The following LRRIQ3 variants were observed in gnomAD, a reference collection of about 807,000 sequenced individuals.
The protein encoded by LRRIQ3 is leucine rich repeats and IQ motif containing 3.
In LRRIQ3, 75 loss-of-function variants were observed where a neutral mutation model predicts 59.3. That is an observed-to-expected ratio of 1.26 (90% CI 1.05 to 1.53). The LOEUF (loss-of-function observed/expected upper bound fraction) is 1.53, where lower values mean the gene tolerates loss of function less well. Among genes scored for constraint, LRRIQ3 ranks in the 40% most tolerant of loss-of-function variants. LRRIQ3 has a pLI of 0.00. For missense variants in LRRIQ3, 831 were observed against 710.0 expected (o/e 1.17, Z -1.94); for synonymous variants, 250 against 231.3 (o/e 1.08, Z -0.73).
chr1:74,083,412 T>C (rs1266228992), intron 5 of LRRIQ3: 2 of 151,514 alleles, frequency 1.3e-5, no homozygotes, highest in Admixed American at 1.3e-4. Flanking sequence ...AACAAGCTTA[T>C]TTTAAGTTCT....
intron 3 of LRRIQ3, among the ~76,000 whole-genome samples, chr1:74,164,098 G>GT (rs377456749): frequency 1.9e-4 from 29 of 150,948 alleles, no homozygotes; most frequent in African/African-American, 6.5e-4. Flanking sequence ...TGTTTCATAT[G>GT]TTTTTGACGT....
chr1:74,194,695 A>C (rs1485715872), intron 1 of LRRIQ3, among the ~76,000 whole-genome samples: 1 of 152,196 alleles, frequency 6.6e-6, no homozygotes. Flanking sequence ...ATTCACAGAA[A>C]ATAATCTGCA....
At chr1:74,103,554 C>A (rs1318298906) in intron 5 of LRRIQ3, among the ~76,000 whole-genome samples, 2 of 151,846 alleles carry the variant, frequency 1.3e-5, no homozygotes, top group Non-Finnish European at 2.9e-5. Flanking sequence ...TTTCACAAAA[C>A]AATGACATAA....
chr1:74,125,748 G>C (rs1447493776), intron 4 of LRRIQ3, among the ~76,000 whole-genome samples: 2 of 151,774 alleles, frequency 1.3e-5, no homozygotes, highest in African/African-American at 4.8e-5. Context: ...GTTGATTTTG[G>C]TTTGCTGTTA....
intron 1 of LRRIQ3, among the ~76,000 whole-genome samples, chr1:74,188,648 C>A (rs915815562): frequency 6.6e-6 from 1 of 151,768 alleles, no homozygotes; most frequent in South Asian, 2.1e-4. Context: ...TTATATGTAC[C>A]CTGTGAACAG....
chr1:74,192,354 A>G (rs1419998682), intron 1 of LRRIQ3, among the ~76,000 whole-genome samples: 1 of 152,168 alleles, frequency 6.6e-6, no homozygotes, highest in Non-Finnish European at 1.5e-5. Flanking sequence ...AAGTAAGCAT[A>G]GCACCCAACA....
chr1:74,080,147 C>CT (rs1162853360), intron 5 of LRRIQ3, among the ~76,000 whole-genome samples: 1 of 151,348 alleles, frequency 6.6e-6, no homozygotes, highest in African/African-American at 2.4e-5. Context: ...TCTACCTGTT[C>CT]TGTTGATTCT....
At chr1:74,056,397 G>C (rs1033585486) in intron 6 of LRRIQ3, among the ~76,000 whole-genome samples, 20 of 151,840 alleles carry the variant, frequency 1.3e-4, no homozygotes, top group Admixed American at 7.9e-4. Flanking sequence ...GGGAAAATAG[G>C]GATCCAAATT....
chr1:74,116,655 G>T (rs1023040894), intron 4 of LRRIQ3, among the ~76,000 whole-genome samples: 2 of 151,920 alleles, frequency 1.3e-5, no homozygotes, highest in Non-Finnish European at 2.9e-5. Context: ...AAGGAAGTGA[G>T]CATCAAAATT....
intron 3 of LRRIQ3, among the ~76,000 whole-genome samples, chr1:74,177,413 C>CT (rs1182390868): frequency 6.6e-6 from 1 of 152,090 alleles, no homozygotes; most frequent in East Asian, 1.9e-4. Context: ...TAAGTTAATA[C>CT]TTAATAAACT....
At chr1:74,054,651 T>C (rs1156708601) in intron 6 of LRRIQ3, among the ~76,000 whole-genome samples, 1 of 151,316 alleles carries the variant, frequency 6.6e-6, no homozygotes, top group Non-Finnish European at 1.5e-5. Flanking sequence ...CAGACTGTTA[T>C]GGAAAAATCT....
chr1:74,066,503 T>C (rs1469067688), intron 6 of LRRIQ3, among the ~76,000 whole-genome samples: 1 of 145,212 alleles, frequency 6.9e-6, no homozygotes, highest in African/African-American at 2.5e-5. Flanking sequence ...TATGGGTATA[T>C]GAGGTCTAAT....
intron 4 of LRRIQ3, among the ~76,000 whole-genome samples, chr1:74,132,233 C>T (rs780131659): frequency 1.3e-5 from 2 of 152,070 alleles, no homozygotes; most frequent in African/African-American, 2.4e-5. Flanking sequence ...AGGACACAAA[C>T]AAATGGAAGA....
At chr1:74,058,384 G>A (rs1430283797) in intron 6 of LRRIQ3, among the ~76,000 whole-genome samples, 1 of 151,694 alleles carries the variant, frequency 6.6e-6, no homozygotes, top group Non-Finnish European at 1.5e-5. Flanking sequence ...ATATTATGCA[G>A]AAATAAAATG....
intron 5 of LRRIQ3, among the ~76,000 whole-genome samples, chr1:74,101,091 C>A (rs961570272): frequency 6.6e-6 from 1 of 152,048 alleles, no homozygotes; most frequent in African/African-American, 2.4e-5. Flanking sequence ...CTCTGCACAG[C>A]AAAAGAAACT....
At chr1:74,118,693 T>G (rs1646811305) in intron 4 of LRRIQ3, among the ~76,000 whole-genome samples, 1 of 151,934 alleles carries the variant, frequency 6.6e-6, no homozygotes, top group Non-Finnish European at 1.5e-5. Flanking sequence ...AATATAGAGA[T>G]ATATATATAG....
chr1:74,073,333 G>A (rs1655078874), intron 6 of LRRIQ3, among the ~76,000 whole-genome samples: 1 of 152,036 alleles, frequency 6.6e-6, no homozygotes, highest in Admixed American at 6.6e-5. Context: ...GCAACATGGT[G>A]AAACTCCATC....
chr1:74,157,861 C>G (rs1202514514), intron 3 of LRRIQ3, among the ~76,000 whole-genome samples: 1 of 152,126 alleles, frequency 6.6e-6, no homozygotes, highest in Non-Finnish European at 1.5e-5. Context: ...GCTACAGACT[C>G]TCAGATTTCT....
intron 5 of LRRIQ3, among the ~76,000 whole-genome samples, chr1:74,095,751 G>A (rs1308674273): frequency 6.6e-6 from 1 of 151,994 alleles, no homozygotes; most frequent in African/African-American, 2.4e-5. Flanking sequence ...ATACATTTAG[G>A]TCATTACTGC....
Sources: allele counts gnomAD v4.1 joint callset (sites outside exome capture counted in the v4.1 genomes callset), GRCh38; gene constraint gnomAD v4.1.1; transcripts MANE v1.5; gene names NCBI Gene and HGNC (gene_info 2026-07-23, HGNC 2026-07-21).